The following SLC41A3 variants were observed in gnomAD, a reference collection of about 807,000 sequenced individuals.
SLC41A3 encodes solute carrier family 41 member 3.
Under a neutral mutation model 45.4 loss-of-function variants are expected in SLC41A3, and 44 were observed. The observed-to-expected ratio is 0.97, with a 90% confidence interval of 0.76 to 1.25. SLC41A3 has a LOEUF of 1.25. Ranked by LOEUF, SLC41A3 falls within the 50% of genes most tolerant of loss-of-function variation. The pLI is 0.00. For synonymous variants in SLC41A3, 256 were observed against 252.4 expected (o/e 1.01, Z -0.13); for missense variants, 550 against 600.6 (o/e 0.92, Z 0.88).
intron 3 of SLC41A3, among the ~76,000 whole-genome samples, chr3:126,045,906 C>T (rs1272806673): frequency 6.6e-6 from 1 of 152,016 alleles, no homozygotes; most frequent in African/African-American, 2.4e-5. Flanking sequence ...AAGGATTATG[C>T]ACCATGACCA....
intron 2 of SLC41A3, 102 bp downstream of exon 2, chr3:126,067,845 A>T: frequency 7.0e-7 from 1 of 1,436,868 alleles, no homozygotes; most frequent in Non-Finnish European, 9.3e-7. Context: ...TTTCAAGAGG[A>T]CTGCCCGACA....
At chr3:126,029,700 T>C (rs2107749357) in intron 4 of SLC41A3, among the ~76,000 whole-genome samples, 1 of 152,292 alleles carries the variant, frequency 6.6e-6, no homozygotes, top group African/African-American at 2.4e-5. Context: ...TCATTTTAAA[T>C]TTCACAAAAA....
At chr3:126,021,046 C>T (rs530078440) in intron 6 of SLC41A3, among the ~76,000 whole-genome samples, 33 of 152,296 alleles carry the variant, frequency 2.2e-4, no homozygotes, top group Admixed American at 2.1e-3. Context: ...AGGCGCCCGC[C>T]ACCATGCCTT....
At chr3:126,036,239 G>A (rs543551886) in intron 3 of SLC41A3, among the ~76,000 whole-genome samples, 2 of 152,326 alleles carry the variant, frequency 1.3e-5, no homozygotes, top group East Asian at 1.9e-4. Flanking sequence ...CTCCATGCAC[G>A]CCTCGGGCCT....
intron 1 of SLC41A3, among the ~76,000 whole-genome samples, chr3:126,092,035 G>T (rs1310841004): frequency 6.6e-6 from 1 of 152,138 alleles, no homozygotes; most frequent in African/African-American, 2.4e-5. Flanking sequence ...GGATCCATTT[G>T]TTACCCATGA....
In SLC41A3 at chr3:126,008,867, C is replaced by T. The variant is rs144899610; in HGVS notation, c.1119G>A (p.Met373Ile). 1.1e-4 allele frequency: 178 copies of T among 1,614,082 alleles called. No individual in the cohort carries two copies. Among genetic ancestry groups the T allele is most frequent in the Non-Finnish European group, 1.5e-4 (172 of 1,179,942 alleles). Residue 373 changes from methionine to isoleucine, a missense_variant, in exon 10 of 11, where the codon ATG becomes ATA. Physicochemically the swap from Met to Ile is conservative, Grantham distance 10 (BLOSUM62 1). Transcript: ENST00000360370. ...CCAGCAAGAGCAGGACTCGAGCTGA[C>T]ATGGAATTGATTTCTGAAAGAAACA... ...STFCTSEINS[M>I]SARVLLLLVV...
At chr3:126,053,128 G>C (rs908104586) in intron 2 of SLC41A3, among the ~76,000 whole-genome samples, 1 of 152,204 alleles carries the variant, frequency 6.6e-6, no homozygotes, top group African/African-American at 2.4e-5. Flanking sequence ...CCCAAAACTC[G>C]TATGGTGAAG....
At chr3:126,051,273 G>C (rs1003050237) in intron 2 of SLC41A3, among the ~76,000 whole-genome samples, 1 of 152,236 alleles carries the variant, frequency 6.6e-6, no homozygotes, top group South Asian at 2.1e-4. Context: ...AAGCACACTG[G>C]GGGCTGGGCC....
At chr3:126,025,541 C>T (rs1385345075) in intron 5 of SLC41A3, 1 of 152,054 alleles carries the variant, frequency 6.6e-6, no homozygotes, top group Non-Finnish European at 1.5e-5. Flanking sequence ...CTGCTGTCCC[C>T]CTAACCCACA....
In SLC41A3 at chr3:126,008,298, ACT is replaced by A. The variant is rs761425994; in HGVS notation, c.1254+432_1254+433del. 4.5e-4 allele frequency among the ~76,000 whole-genome samples: 69 copies of A among 152,272 alleles called. 1 individual carries two copies. Among genetic ancestry groups the A allele is most frequent in the East Asian group, 1.4e-3 (7 of 5,172 alleles). ...GTATAGCATGTAGCATGCAGCACAC[ACT>A]CTGTAGCATGCATGTGGCATGCACT... On this transcript the variant is annotated intron_variant, in intron 10 of 10. Transcript: ENST00000360370.
chr3:126,011,353 G>A (rs1355715256), intron 9 of SLC41A3, among the ~76,000 whole-genome samples: 1 of 152,064 alleles, frequency 6.6e-6, no homozygotes, highest in Non-Finnish European at 1.5e-5. Flanking sequence ...AGAGGGCAGG[G>A]GAAAAAAGAT....
chr3:126,031,946 C>T lies in SLC41A3; in HGVS notation c.453+1661G>A, dbSNP rs536476830. ...GGGCAGCAGACATGTAAACACACAACTACAATCAGGGCAGCCGCAGCAGCA... is the reference window on the plus strand; with the variant it reads ...GGGCAGCAGACATGTAAACACACAATTACAATCAGGGCAGCCGCAGCAGCA... On this transcript the variant is annotated intron_variant, in intron 4 of 10. Transcript: ENST00000360370. Among the ~76,000 whole-genome samples, 158 of 152,328 alleles carry T rather than the reference C, an allele frequency of 1.0e-3. 1 individual carries two copies. The highest frequency in any genetic ancestry group is 3.6e-3 in the African/African-American group (151 of 41,572).
upstream of SLC41A3, among the ~76,000 whole-genome samples, chr3:126,089,268 T>C (rs114518831): frequency 9.1e-4 from 139 of 152,314 alleles, 2 homozygotes; most frequent in African/African-American, 3.1e-3. Flanking sequence ...AGATGCAGCT[T>C]GCTGCTAGGA....
chr3:126,039,300 C>CT (rs1431851476), intron 3 of SLC41A3, among the ~76,000 whole-genome samples: 1 of 152,168 alleles, frequency 6.6e-6, no homozygotes, highest in Non-Finnish European at 1.5e-5. Context: ...CACTAATGTC[C>CT]TTTTTTATGT....
At chr3:126,075,439 C>CTTT (rs35369542) in intron 1 of SLC41A3, among the ~76,000 whole-genome samples, 7 of 147,340 alleles carry the variant, frequency 4.8e-5, no homozygotes, top group Admixed American at 6.7e-5. Flanking sequence ...TTCCAGTGGT[C>CTTT]TTTTTTTTTT....
chr3:126,090,553 G>T (rs926425115), intron 1 of SLC41A3, among the ~76,000 whole-genome samples: 12 of 151,984 alleles, frequency 7.9e-5, no homozygotes, highest in African/African-American at 2.2e-4. Context: ...TTTTTAATTG[G>T]TGCCCTAATT....
At chr3:126,036,680 C>T (rs965650822) in intron 3 of SLC41A3, among the ~76,000 whole-genome samples, 10 of 152,194 alleles carry the variant, frequency 6.6e-5, no homozygotes, top group Non-Finnish European at 1.2e-4. Flanking sequence ...TATCACCTCT[C>T]TCCTGCCAGG....
At position 126,067,964 on chromosome 3, in the gene SLC41A3, G is replaced by C; in HGVS notation, c.256C>G (p.Leu86Val). 2 of 1,606,134 alleles carry C rather than the reference G, an allele frequency of 1.2e-6. No individual in the cohort carries two copies. The highest frequency in any genetic ancestry group is 3.4e-5 in the Admixed American group (2 of 58,250). ...AGLGLSWAGM[L>V]LDYFQHWPVF... ...CCTCTTACCTGGAAATAGTCCAGAA[G>C]CATGCCGGCCCAGGACAGTCCCAGG... Residue 86 changes from leucine to valine, a missense_variant, in exon 2 of 11, where the codon CTT (leucine) becomes GTT (valine). Transcript: ENST00000360370.
intron 1 of SLC41A3, among the ~76,000 whole-genome samples, chr3:126,072,556 G>A (rs1271244971): frequency 6.6e-6 from 1 of 152,106 alleles, no homozygotes; most frequent in Non-Finnish European, 1.5e-5. Flanking sequence ...ATGATTAACT[G>A]TAAGCCAACA....
Sources: allele counts gnomAD v4.1 joint callset (sites outside exome capture counted in the v4.1 genomes callset), GRCh38; gene constraint gnomAD v4.1.1; transcripts MANE v1.5; gene names NCBI Gene and HGNC (gene_info 2026-07-23, HGNC 2026-07-21).